The following ROR2 variants were observed in gnomAD, a reference collection of about 807,000 sequenced individuals.
ROR2 encodes tyrosine-protein kinase transmembrane receptor ROR2.
Under a neutral mutation model 74.9 loss-of-function variants are expected in ROR2, and 33 were observed. The observed-to-expected ratio is 0.44, with a 90% CI of 0.33 to 0.59. ROR2 has a LOEUF of 0.59. Ranked by LOEUF, ROR2 falls within the 20% of genes least tolerant of loss-of-function variation. The pLI, the probability that ROR2 is intolerant of heterozygous loss-of-function variation, is 0.02. For missense variants in ROR2, 1,216 were observed against 1,313.8 expected (o/e 0.93, Z 1.15); for synonymous variants, 586 against 558.7 (o/e 1.05, Z -0.69).
chr9:91,860,548 G>A (rs1388169695), intron 1 of ROR2, among the ~76,000 whole-genome samples: 3 of 152,192 alleles, frequency 2.0e-5, no homozygotes, highest in Admixed American at 6.5e-5. Context: ...CCCACAATAC[G>A]CAGTCGGCAG....
At chr9:91,821,348 C>T (rs1349056787) in intron 1 of ROR2, among the ~76,000 whole-genome samples, 1 of 152,194 alleles carries the variant, frequency 6.6e-6, no homozygotes, top group Admixed American at 6.5e-5. Flanking sequence ...ATGTGATAGG[C>T]ATGCATTGCT....
At chr9:91,772,515 G>A (rs1398948073) in intron 2 of ROR2, among the ~76,000 whole-genome samples, 1 of 152,218 alleles carries the variant, frequency 6.6e-6, no homozygotes, top group Non-Finnish European at 1.5e-5. Flanking sequence ...GCTCAGAACT[G>A]TGATACTATA....
chr9:91,736,613 G>A (rs1825034148), intron 5 of ROR2, among the ~76,000 whole-genome samples: 1 of 152,224 alleles, frequency 6.6e-6, no homozygotes, highest in Admixed American at 6.5e-5. Context: ...TGTTTGTGGA[G>A]AGAGTAGAGA....
chr9:91,792,713 G>A (rs530967568), intron 1 of ROR2, among the ~76,000 whole-genome samples: 112 of 152,252 alleles, frequency 7.4e-4, no homozygotes, highest in Non-Finnish European at 1.4e-3. Flanking sequence ...CAGGGATTAC[G>A]TTGACCTTCA....
At chr9:91,916,531 TCAAA>T (rs1221386176) in intron 1 of ROR2, among the ~76,000 whole-genome samples, 13 of 152,174 alleles carry the variant, frequency 8.5e-5, no homozygotes, top group Admixed American at 5.2e-4. Context: ...CCCCTGGACT[TCAAA>T]GATCCTCCTC....
At chr9:91,890,259 C>T (rs1480019860) in intron 1 of ROR2, among the ~76,000 whole-genome samples, 1 of 152,202 alleles carries the variant, frequency 6.6e-6, no homozygotes, top group Admixed American at 6.5e-5. Flanking sequence ...GACCCAGGCA[C>T]AGGGGCCAGG....
chr9:91,899,178 T>C (rs1244932321), intron 1 of ROR2, among the ~76,000 whole-genome samples: 1 of 151,514 alleles, frequency 6.6e-6, no homozygotes, highest in Non-Finnish European at 1.5e-5. Flanking sequence ...CCCCAGGGGG[T>C]GCGGGGGATG....
chr9:91,786,107 G>A (rs1451797660), intron 1 of ROR2, among the ~76,000 whole-genome samples: 2 of 140,178 alleles, frequency 1.4e-5, no homozygotes, highest in African/African-American at 2.6e-5. Flanking sequence ...GACCACTTGA[G>A]CCTAGGAGTT....
At position 91,950,087 on chromosome 9, in the gene ROR2, A is replaced by G. The variant is rs1832135094; in HGVS notation, c.-124T>C. ...TCCCTGGCGCTTCGCAAACGGGTCC[A>G]CTTCGAGGACCTCGTCGTCGTCCTC... On this transcript the variant is annotated 5_prime_UTR_variant, in exon 1 of 9. Transcript: ENST00000375708. 1 of 462,222 alleles carries G rather than the reference A, an allele frequency of 2.2e-6. No individual in the cohort carries two copies. The highest frequency in any genetic ancestry group is 4.5e-5 in the Admixed American group (1 of 22,158). The allele number at this position is 462,222 out of a possible 1,614,324, so 28.6% of individuals were successfully genotyped here.
At chr9:91,896,907 C>T (rs917385898) in intron 1 of ROR2, among the ~76,000 whole-genome samples, 8 of 152,166 alleles carry the variant, frequency 5.3e-5, no homozygotes, top group Non-Finnish European at 7.3e-5. Context: ...CAGGCCCCAG[C>T]AAACACCGTT....
chr9:91,884,284 G>A (rs1024182655), intron 1 of ROR2, among the ~76,000 whole-genome samples: 2 of 152,020 alleles, frequency 1.3e-5, no homozygotes, highest in African/African-American at 2.4e-5. Context: ...GGCAGCAACA[G>A]ACCAGCCAAG....
chr9:91,833,179 C>G (rs1828516558), intron 1 of ROR2, among the ~76,000 whole-genome samples: 1 of 152,164 alleles, frequency 6.6e-6, no homozygotes, highest in African/African-American at 2.4e-5. Flanking sequence ...CACCACGACA[C>G]CAACCCACAG....
chr9:91,885,753 C>A (rs1830250429), intron 1 of ROR2, among the ~76,000 whole-genome samples: 1 of 151,986 alleles, frequency 6.6e-6, no homozygotes, highest in Admixed American at 6.5e-5. Context: ...TAGGTCTTAT[C>A]TAAATCCTGT....
intron 1 of ROR2, among the ~76,000 whole-genome samples, chr9:91,851,212 T>C (rs1829078407): frequency 6.6e-6 from 1 of 151,784 alleles, no homozygotes; most frequent in Admixed American, 6.6e-5. Flanking sequence ...ATTAGCCAGG[T>C]ATGGTAGCAC....
chr9:91,899,068 C>T (rs542590699), intron 1 of ROR2, among the ~76,000 whole-genome samples: 1 of 152,348 alleles, frequency 6.6e-6, no homozygotes, highest in East Asian at 1.9e-4. Context: ...TCAGGACAAA[C>T]AGCCGCCAAG....
chr9:91,748,361 A>G (rs966409401), intron 4 of ROR2, among the ~76,000 whole-genome samples: 1 of 152,236 alleles, frequency 6.6e-6, no homozygotes, highest in Admixed American at 6.5e-5. Context: ...ACATATGTCC[A>G]TTAACTTGAT....
chr9:91,764,287 T>A (rs1825996210), intron 2 of ROR2, among the ~76,000 whole-genome samples: 1 of 152,228 alleles, frequency 6.6e-6, no homozygotes, highest in African/African-American at 2.4e-5. Flanking sequence ...ATCATTTTTA[T>A]GATTCTGTAT....
chr9:91,847,284 C>G (rs1828961215), intron 1 of ROR2, among the ~76,000 whole-genome samples: 2 of 152,146 alleles, frequency 1.3e-5, no homozygotes, highest in Non-Finnish European at 2.9e-5. Context: ...AAAGCCTGAC[C>G]CCTCTGGGAG....
At chr9:91,746,839 A>G (rs981136890) in intron 4 of ROR2, among the ~76,000 whole-genome samples, 1 of 148,066 alleles carries the variant, frequency 6.8e-6, no homozygotes, top group African/African-American at 2.5e-5. Flanking sequence ...CAAAAGAATA[A>G]CACACTTTCC....
Sources: allele counts gnomAD v4.1 joint callset (sites outside exome capture counted in the v4.1 genomes callset), GRCh38; gene constraint gnomAD v4.1.1; transcripts MANE v1.5; gene names NCBI Gene and HGNC (gene_info 2026-07-23, HGNC 2026-07-21).